PAPSS2: variants seen among roughly 807,000 people sequenced by gnomAD.
PAPSS2 encodes bifunctional 3'-phosphoadenosine 5'-phosphosulfate synthase 2.
A neutral mutation model predicts 66.5 loss-of-function variants in PAPSS2; 61 were observed. The ratio of observed to expected loss-of-function variants is 0.92; its 90% CI spans 0.75 to 1.14. PAPSS2 has a LOEUF of 1.14. Ranked by LOEUF, PAPSS2 falls within the 50% of genes most tolerant of loss-of-function variation. PAPSS2 has a pLI of 0.00. For synonymous variants in PAPSS2, 289 were observed against 287.5 expected, an observed-to-expected ratio of 1.01 and a Z score of -0.05; for missense variants, 708 against 789.6, an observed-to-expected ratio of 0.90 and a Z score of 1.24.
intron 1 of PAPSS2, among the ~76,000 whole-genome samples, chr10:87,685,332 T>C (rs1268864704): frequency 6.6e-6 from 1 of 152,244 alleles, no homozygotes; most frequent in Non-Finnish European, 1.5e-5. Context: ...TTTTATTTTC[T>C]GTATGGAGTC....
At chr10:87,696,370 ATAAT>A (rs1853234905) in intron 1 of PAPSS2, among the ~76,000 whole-genome samples, 2 of 152,226 alleles carry the variant, frequency 1.3e-5, no homozygotes, top group South Asian at 4.1e-4. Context: ...TATGTATGTT[ATAAT>A]AGGAGGCTTG....
chr10:87,676,872 C>CA lies in PAPSS2; in HGVS notation c.27+16903dup, dbSNP rs71019493. 8.3e-4 allele frequency among the ~76,000 whole-genome samples: 26 copies of CA among 31,368 alleles called. 8 individuals carry two copies. Among genetic ancestry groups the CA allele is most frequent in the Admixed American group, 2.3e-3 (4 of 1,746 alleles). The allele number at this position is 31,368 out of a possible 152,430, so 20.6% of individuals were successfully genotyped here. ...TGGATGACAGAATGAGACCCTGTCT[C>CA]AAAAAAAAAAAAAAAAAAAAAAAAA... On this transcript the variant is annotated intron_variant, in intron 1 of 12. Transcript: ENST00000456849.
At chr10:87,735,640 A>G (rs1277634417) in intron 9 of PAPSS2, among the ~76,000 whole-genome samples, 2 of 152,228 alleles carry the variant, frequency 1.3e-5, no homozygotes, top group Admixed American at 6.5e-5. Flanking sequence ...TGTCTACCGC[A>G]GGGTTTCTCA....
chr10:87,697,184 G>A (rs1194583707), intron 1 of PAPSS2, among the ~76,000 whole-genome samples: 1 of 152,112 alleles, frequency 6.6e-6, no homozygotes, highest in Non-Finnish European at 1.5e-5. Context: ...GCCCTTCTTG[G>A]AGTTTGTGTG....
chr10:87,735,990 T>C (rs1435049016), intron 9 of PAPSS2, among the ~76,000 whole-genome samples: 1 of 152,178 alleles, frequency 6.6e-6, no homozygotes, highest in African/African-American at 2.4e-5. Flanking sequence ...CAAATCAGCT[T>C]TCTCTCACTC....
intron 1 of PAPSS2, 111 bp downstream of exon 1, chr10:87,660,119 G>A: frequency 9.1e-7 from 1 of 1,103,900 alleles, no homozygotes; most frequent in Non-Finnish European, 1.4e-6. Flanking sequence ...GGGGCGTCGG[G>A]AGGAGGAGTA....
chr10:87,734,553 A>G (rs867661937), intron 9 of PAPSS2, among the ~76,000 whole-genome samples: 61 of 151,538 alleles, frequency 4.0e-4, no homozygotes, highest in Middle Eastern at 3.4e-3. Context: ...TCCCCTCTGT[A>G]AAACTGCCTT....
chr10:87,682,779 G>C lies in PAPSS2; in HGVS notation c.27+22771G>C, dbSNP rs1213160754. ...CCTTCCTACATAGATAGATGGAAGG[G>C]ACTCGGCACAATAAAAAGAAGGAGC... On this transcript the variant is annotated intron_variant, in intron 1 of 12. Coordinates refer to ENST00000456849, the MANE Select transcript of PAPSS2 (RefSeq NM_001015880.2). Among the ~76,000 whole-genome samples the C allele has an allele frequency of 2.0e-5, 3 of 152,122 alleles. No individual in the cohort carries two copies. In the East Asian group the frequency reaches 5.8e-4, roughly 29 times the overall value.
chr10:87,668,658 A>ATGTGTGTGTG (rs58768390), intron 1 of PAPSS2, among the ~76,000 whole-genome samples: 29 of 149,260 alleles, frequency 1.9e-4, no homozygotes, highest in Admixed American at 2.7e-4. Flanking sequence ...TACTTTAAAA[A>ATGTGTGTGTG]TGTGTGTGTG....
At position 87,714,088 on chromosome 10, in the gene PAPSS2, A is replaced by G. The variant is rs1218990596; in HGVS notation, c.426A>G (p.Pro142=). 25 of 1,613,882 alleles carry G rather than the reference A, an allele frequency of 1.5e-5. No homozygotes were observed. Among genetic ancestry groups the G allele is most frequent in the Non-Finnish European group, 2.1e-5 (25 of 1,179,888 alleles). The part of the protein sequence containing the change: ...ARKIHESAGL[P]FFEIFVDAPL... ...AAATACATGAATCAGCAGGGCTGCC[A>G]TTCTTTGAAATATTTGTAGATGCAC... is the stretch of plus-strand genomic sequence containing the variant. The change falls in exon 4 of 13, where the codon CCA becomes CCG. Residue 142 remains proline (P), a synonymous_variant. Transcript: ENST00000456849.
intron 1 of PAPSS2, among the ~76,000 whole-genome samples, chr10:87,701,747 G>A (rs1853320193): frequency 6.6e-6 from 1 of 152,128 alleles, no homozygotes; most frequent in African/African-American, 2.4e-5. Flanking sequence ...TTAAAAAGTG[G>A]ATGAGATCAT....
intron 1 of PAPSS2, among the ~76,000 whole-genome samples, chr10:87,704,506 A>G (rs555835981): frequency 6.6e-6 from 1 of 152,336 alleles, no homozygotes; most frequent in South Asian, 2.1e-4. Context: ...GTTCATGTGC[A>G]CAGGTGGGCA....
intron 1 of PAPSS2, among the ~76,000 whole-genome samples, chr10:87,664,602 A>G (rs895146577): frequency 5.3e-5 from 8 of 152,172 alleles, no homozygotes; most frequent in African/African-American, 1.7e-4. Flanking sequence ...CTGTTGATGC[A>G]TGTGGCTCTG....
chr10:87,740,731 T>G (rs1411505225), intron 9 of PAPSS2, among the ~76,000 whole-genome samples: 1 of 152,212 alleles, frequency 6.6e-6, no homozygotes, highest in Non-Finnish European at 1.5e-5. Flanking sequence ...TTGGACTTCC[T>G]TTTTATACTT....
chr10:87,681,053 T>G (rs983640217), intron 1 of PAPSS2, among the ~76,000 whole-genome samples: 1 of 152,184 alleles, frequency 6.6e-6, no homozygotes, highest in Non-Finnish European at 1.5e-5. Context: ...GAGATCTTTT[T>G]CTAGTTGTTA....
chr10:87,716,514 C>G (rs1853534478), intron 7 of PAPSS2, among the ~76,000 whole-genome samples: 1 of 152,178 alleles, frequency 6.6e-6, no homozygotes, highest in Admixed American at 6.5e-5. Context: ...ATAAACTTAT[C>G]TATTTCAAGA....
At chr10:87,670,969 G>C (rs1240922831) in intron 1 of PAPSS2, among the ~76,000 whole-genome samples, 1 of 152,018 alleles carries the variant, frequency 6.6e-6, no homozygotes, top group Non-Finnish European at 1.5e-5. Context: ...TACCCAACAG[G>C]GTTCCCCAAA....
chr10:87,708,489 A>G lies in PAPSS2; in HGVS notation c.28-707A>G, dbSNP rs145644525. On this transcript the variant is annotated intron_variant, in intron 1 of 12. Coordinates refer to ENST00000456849, the MANE Select transcript of PAPSS2 (RefSeq NM_001015880.2). ...GCGATCTGGGCCTTTCTCTGGCTCTATAGGGACTGGGGATCAACCACCCCC... is the reference window on the plus strand; with the variant it reads ...GCGATCTGGGCCTTTCTCTGGCTCTGTAGGGACTGGGGATCAACCACCCCC... Among the ~76,000 whole-genome samples the G allele has an allele frequency of 2.0e-5, 3 of 152,226 alleles. No homozygotes were observed. In the East Asian group the frequency reaches 5.8e-4, roughly 29 times the overall value.
intron 1 of PAPSS2, chr10:87,660,989 A>T (rs1465275189): frequency 2.2e-6 from 1 of 455,862 alleles, no homozygotes; most frequent in Non-Finnish European, 4.4e-6. Flanking sequence ...CAAGCCTCAG[A>T]TGATTGTACT....
Sources: gnomAD v4.1 joint callset for allele counts (sites outside exome capture counted in the v4.1 genomes callset) on GRCh38, gnomAD v4.1.1 for gene constraint, MANE v1.5 for transcripts, NCBI Gene and HGNC (gene_info 2026-07-23, HGNC 2026-07-21) for gene names.